The following EYS variants were observed in gnomAD, a reference collection of about 807,000 sequenced individuals.
EYS encodes the protein EGF-like photoreceptor maintenance factor.
EYS carries 250 observed loss-of-function variants against 282.1 expected under a neutral mutation model. The ratio of observed to expected loss-of-function variants is 0.89; its 90% CI spans 0.80 to 0.98. The LOEUF is 0.98. EYS is among the 50% of genes least tolerant of loss of function. The pLI, the probability that EYS is intolerant of heterozygous loss-of-function variation, is 0.00. For synonymous variants in EYS, 1,355 were observed against 1,282.9 expected (o/e 1.06, Z -1.20); for missense variants, 4,016 against 3,709.0 (o/e 1.08, Z -2.15).
At chr6:65,028,681 A>T (rs1229085486) in intron 13 of EYS, among the ~76,000 whole-genome samples, 1 of 152,100 alleles carries the variant, frequency 6.6e-6, no homozygotes, top group Non-Finnish European at 1.5e-5. Context: ...AGTGCATATC[A>T]GTGGACATTT....
At chr6:64,721,007 G>GGA (rs1771560352) in intron 22 of EYS, among the ~76,000 whole-genome samples, 10 of 15,448 alleles carry the variant, frequency 6.5e-4, no homozygotes, top group Admixed American at 3.8e-3. Context: ...GTAATAAGGT[G>GGA]TTTTTATATT....
chr6:63,853,733 AT>A (rs1451903206), intron 36 of EYS, among the ~76,000 whole-genome samples: 2 of 152,210 alleles, frequency 1.3e-5, no homozygotes, highest in African/African-American at 4.8e-5. Context: ...ACTTCAAACT[AT>A]ACTACAAGTT....
chr6:65,387,486 A>G (rs912236524), intron 7 of EYS, among the ~76,000 whole-genome samples: 1 of 151,910 alleles, frequency 6.6e-6, no homozygotes, highest in African/African-American at 2.4e-5. Flanking sequence ...ATTTAATATA[A>G]TTAAAAATAA....
intron 26 of EYS, among the ~76,000 whole-genome samples, chr6:64,577,314 A>G (rs1765914380): frequency 6.6e-6 from 1 of 152,112 alleles, no homozygotes; most frequent in Admixed American, 6.6e-5. Flanking sequence ...CACAATTAAG[A>G]CTTAGAGTAA....
intron 34 of EYS, among the ~76,000 whole-genome samples, chr6:63,989,838 T>TTA (rs1026468995): frequency 9.9e-5 from 15 of 151,032 alleles, no homozygotes; most frequent in South Asian, 4.2e-4. Context: ...CTTCTATATT[T>TTA]TATATATATA....
intron 22 of EYS, among the ~76,000 whole-genome samples, chr6:64,723,371 G>A (rs1386463090): frequency 1.3e-5 from 2 of 152,142 alleles, no homozygotes; most frequent in East Asian, 3.9e-4. Context: ...AAAGGACAGA[G>A]TTCTCAGAGA....
At chr6:64,063,063 C>G (rs555807836) in intron 33 of EYS, among the ~76,000 whole-genome samples, 63 of 152,270 alleles carry the variant, frequency 4.1e-4, no homozygotes, top group Non-Finnish European at 6.5e-4. Flanking sequence ...CCTACTTACT[C>G]CTTGTCAGAC....
chr6:64,177,301 T>C (rs1342676742), intron 31 of EYS, among the ~76,000 whole-genome samples: 1 of 150,416 alleles, frequency 6.6e-6, no homozygotes, highest in Non-Finnish European at 1.5e-5. Flanking sequence ...GAAAGCAAGT[T>C]AATTTCTTTT....
intron 2 of EYS, among the ~76,000 whole-genome samples, chr6:65,604,876 C>G (rs1236520597): frequency 1.4e-5 from 2 of 140,408 alleles, no homozygotes; most frequent in Admixed American, 7.4e-5. Flanking sequence ...CAGGGTCTTG[C>G]TCTGTCACAT....
chr6:65,368,088 G>A (rs192045290), intron 8 of EYS, among the ~76,000 whole-genome samples: 1 of 151,530 alleles, frequency 6.6e-6, no homozygotes, highest in African/African-American at 2.4e-5. Context: ...GGAAGGAGAA[G>A]TGCTGAGCAA....
At chr6:65,193,450 T>A (rs113880904) in intron 12 of EYS, among the ~76,000 whole-genome samples, 182 of 151,680 alleles carry the variant, frequency 1.2e-3, no homozygotes, top group Middle Eastern at 3.4e-3. Flanking sequence ...TTCAAAAAGG[T>A]GAAGTGGGAG....
At chr6:65,695,738 G>A (rs116744542) in intron 1 of EYS, among the ~76,000 whole-genome samples, 1 of 151,724 alleles carries the variant, frequency 6.6e-6, no homozygotes, top group Non-Finnish European at 1.5e-5. Flanking sequence ...ATATGGCTCT[G>A]TCAAAAAGTT....
intron 2 of EYS, among the ~76,000 whole-genome samples, chr6:65,507,642 A>G (rs1576639): frequency 0.75 from 114,046 of 151,904 alleles, 43,684 homozygotes; most frequent in African/African-American, 0.9. Flanking sequence ...TTTCCTCTTT[A>G]AGTTTTAGTT....
intron 13 of EYS, among the ~76,000 whole-genome samples, chr6:65,020,550 G>C (rs1236805374): frequency 2.0e-5 from 3 of 152,172 alleles, no homozygotes; most frequent in Non-Finnish European, 4.4e-5. Context: ...TTCACAGGCT[G>C]GCATTGGGTG....
rs568675225 is a variant in EYS, at chr6:64,980,518, A to G, written c.2259+17064T>C. On this transcript the variant is annotated intron_variant, in intron 14 of 42. Transcript: ENST00000503581. Reference sequence around the variant, plus strand: ...TTAAATACATATTTCTATAAATAGCAGCTGCATTTATATTACAGCATGTCT... The same window carrying G: ...TTAAATACATATTTCTATAAATAGCGGCTGCATTTATATTACAGCATGTCT... Among the ~76,000 whole-genome samples the G allele has an allele frequency of 2.0e-5, 3 of 151,584 alleles. No individual in the cohort carries two copies. In the South Asian group the frequency reaches 6.2e-4, roughly 31 times the overall value.
intron 5 of EYS, among the ~76,000 whole-genome samples, chr6:65,471,722 A>G (rs776248963): frequency 9.2e-5 from 14 of 152,160 alleles, no homozygotes; most frequent in Non-Finnish European, 2.1e-4. Flanking sequence ...TCTATGAATC[A>G]TAATTATTTG....
chr6:63,931,388 AT>A (rs1764889548), intron 35 of EYS, among the ~76,000 whole-genome samples: 1 of 152,132 alleles, frequency 6.6e-6, no homozygotes. Flanking sequence ...TGTTTCTAAC[AT>A]TGTGCTCTTC....
intron 22 of EYS, among the ~76,000 whole-genome samples, chr6:64,775,852 T>G (rs1236026652): frequency 1.3e-5 from 2 of 152,094 alleles, no homozygotes; most frequent in Non-Finnish European, 2.9e-5. Flanking sequence ...ATTTTTTGGT[T>G]GAATCAAAAA....
At chr6:65,490,918 A>G (rs1029024459) in intron 4 of EYS, among the ~76,000 whole-genome samples, 2 of 152,088 alleles carry the variant, frequency 1.3e-5, no homozygotes, top group African/African-American at 4.8e-5. Flanking sequence ...AGACTATAAT[A>G]TCCAAATATT....
Sources: allele counts gnomAD v4.1 joint callset (sites outside exome capture counted in the v4.1 genomes callset), GRCh38; gene constraint gnomAD v4.1.1; transcripts MANE v1.5; gene names NCBI Gene and HGNC (gene_info 2026-07-23, HGNC 2026-07-21).